The following MSRB3 variants were observed in gnomAD, a reference collection of about 807,000 sequenced individuals.
MSRB3 encodes methionine sulfoxide reductase B3.
Under a neutral mutation model 21.0 loss-of-function variants are expected in MSRB3, and 13 were observed. The observed-to-expected ratio is 0.62, with a 90% CI of 0.40 to 0.98. The LOEUF (loss-of-function observed/expected upper bound fraction) is 0.98. MSRB3 is among the 50% of genes least tolerant of loss of function. MSRB3 has a pLI of 0.00. For missense variants in MSRB3, 199 were observed against 230.3 expected, an observed-to-expected ratio of 0.86 and a Z score of 0.88; for synonymous variants, 87 against 88.6, an observed-to-expected ratio of 0.98 and a Z score of 0.10.
intron 2 of MSRB3, among the ~76,000 whole-genome samples, chr12:65,311,555 A>C (rs928162082): frequency 1.3e-5 from 2 of 152,124 alleles, no homozygotes; most frequent in African/African-American, 4.8e-5. Context: ...ATTTTGAAAA[A>C]TAAAGATGAA....
At chr12:65,383,700 G>A (rs1012585713) in intron 5 of MSRB3, among the ~76,000 whole-genome samples, 21 of 146,278 alleles carry the variant, frequency 1.4e-4, no homozygotes, top group Non-Finnish European at 2.1e-4. Context: ...TCACTCTGTC[G>A]CCTGGGCTAG....
At chr12:65,353,611 A>G (rs1278359031) in intron 4 of MSRB3, among the ~76,000 whole-genome samples, 3 of 151,986 alleles carry the variant, frequency 2.0e-5, no homozygotes, top group South Asian at 4.1e-4. Context: ...TTTTGAGCCT[A>G]TGTGTGTCTC....
At chr12:65,369,054 G>T in intron 5 of MSRB3, 28 bp downstream of exon 5, 1 of 1,499,038 alleles carries the variant, frequency 6.7e-7, no homozygotes, top group South Asian at 1.1e-5. Flanking sequence ...ATGCTCTTCT[G>T]AATATATTTT....
intron 4 of MSRB3, among the ~76,000 whole-genome samples, chr12:65,358,900 A>G (rs768376941): frequency 1.3e-5 from 2 of 151,908 alleles, no homozygotes; most frequent in Non-Finnish European, 2.9e-5. Flanking sequence ...TTTATCTCTT[A>G]GCATTCTCTG....
At chr12:65,334,721 C>T (rs562119105) in intron 4 of MSRB3, among the ~76,000 whole-genome samples, 1 of 152,278 alleles carries the variant, frequency 6.6e-6, no homozygotes, top group East Asian at 1.9e-4. Context: ...AGGGAAGTCC[C>T]TTGGAATCCT....
At chr12:65,350,474 A>G (rs1490350618) in intron 4 of MSRB3, among the ~76,000 whole-genome samples, 2 of 151,462 alleles carry the variant, frequency 1.3e-5, no homozygotes, top group African/African-American at 4.9e-5. Context: ...TTAACTTTAA[A>G]TGTAAATGGA....
At chr12:65,307,042 G>A in intron 1 of MSRB3, 1 of 985,542 alleles carries the variant, frequency 1.0e-6, no homozygotes, top group Non-Finnish European at 1.2e-6. Context: ...TACATTTACT[G>A]TGTGTGCTTT....
intron 1 of MSRB3, among the ~76,000 whole-genome samples, chr12:65,280,126 T>A (rs1399177537): frequency 1.3e-5 from 2 of 152,212 alleles, no homozygotes; most frequent in African/African-American, 2.4e-5. Context: ...ATAAAAAAAC[T>A]TCAGGGTTCA....
chr12:65,281,764 G>A (rs1872034824), intron 1 of MSRB3: 1 of 152,218 alleles, frequency 6.6e-6, no homozygotes, highest in Non-Finnish European at 1.5e-5. Flanking sequence ...CATTTCTGTG[G>A]TTGGGAAGGC....
chr12:65,338,171 C>T (rs993381327), intron 4 of MSRB3, among the ~76,000 whole-genome samples: 15 of 152,150 alleles, frequency 9.9e-5, no homozygotes, highest in African/African-American at 3.6e-4. Context: ...TATTAATTCC[C>T]TGCCATGTTT....
intron 4 of MSRB3, among the ~76,000 whole-genome samples, chr12:65,333,733 A>G: frequency 6.6e-6 from 1 of 152,196 alleles, no homozygotes; most frequent in East Asian, 1.9e-4. Flanking sequence ...AGCACTTTGA[A>G]TGCGCTTCCA....
At chr12:65,399,309 C>T (rs1354115022) in intron 5 of MSRB3, among the ~76,000 whole-genome samples, 1 of 152,202 alleles carries the variant, frequency 6.6e-6, no homozygotes, top group South Asian at 2.1e-4. Flanking sequence ...TTCTCCTTGA[C>T]AGGGTCCTTC....
chr12:65,325,348 A>G (rs377306304), intron 2 of MSRB3, among the ~76,000 whole-genome samples: 2 of 152,206 alleles, frequency 1.3e-5, no homozygotes, highest in African/African-American at 4.8e-5. Flanking sequence ...GTGCCTGTGG[A>G]TCTTTGCAGG....
chr12:65,404,555 ATC>A (rs1880307512), intron 5 of MSRB3, among the ~76,000 whole-genome samples: 1 of 152,190 alleles, frequency 6.6e-6, no homozygotes. Context: ...GTTTACATAG[ATC>A]TGAGTTTCTG....
intron 4 of MSRB3, among the ~76,000 whole-genome samples, chr12:65,329,329 A>C (rs910483592): frequency 2.6e-5 from 4 of 152,198 alleles, no homozygotes; most frequent in African/African-American, 7.2e-5. Flanking sequence ...ACTTGGGGGA[A>C]TAAAAAGGCA....
chr12:65,323,443 T>C (rs142470953), intron 2 of MSRB3, among the ~76,000 whole-genome samples: 1 of 152,368 alleles, frequency 6.6e-6, no homozygotes, highest in African/African-American at 2.4e-5. Flanking sequence ...AAAATGGCAA[T>C]ATTATCTCCT....
intron 5 of MSRB3, among the ~76,000 whole-genome samples, chr12:65,425,076 C>A (rs1299810803): frequency 7.7e-4 from 3 of 3,872 alleles, no homozygotes; most frequent in Admixed American, 6.4e-3. Context: ...GTTATATGCT[C>A]TTGAAGAATT....
At chr12:65,313,675 A>T (rs561877390) in intron 2 of MSRB3, among the ~76,000 whole-genome samples, 46 of 152,176 alleles carry the variant, frequency 3.0e-4, no homozygotes, top group African/African-American at 1.0e-3. Context: ...TGGTGTCCCT[A>T]AAGGAATTCT....
chr12:65,409,679 C>A (rs909630001), intron 5 of MSRB3, among the ~76,000 whole-genome samples: 1 of 152,078 alleles, frequency 6.6e-6, no homozygotes, highest in Non-Finnish European at 1.5e-5. Flanking sequence ...TAACAAAATA[C>A]CTCATCCATC....
Sources: gnomAD v4.1 joint callset for allele counts (sites outside exome capture counted in the v4.1 genomes callset) on GRCh38, gnomAD v4.1.1 for gene constraint, MANE v1.5 for transcripts, NCBI Gene and HGNC (gene_info 2026-07-23, HGNC 2026-07-21) for gene names.